Variants in SPTBN2 observed in about 807,000 individuals in gnomAD.
SPTBN2 encodes spectrin beta, non-erythrocytic 2, also known as spectrin beta chain, non-erythrocytic 2.
A neutral mutation model predicts 284.2 loss-of-function variants in SPTBN2; 107 were observed. That is an observed-to-expected ratio of 0.38 (90% confidence interval 0.32 to 0.44). SPTBN2 has a LOEUF of 0.44. Among genes scored for constraint, SPTBN2 ranks in the 20% least tolerant of loss-of-function variants. The pLI is 1.00. For missense variants in SPTBN2, 2,569 were observed against 3,287.1 expected, an observed-to-expected ratio of 0.78 and a Z score of 5.34; for synonymous variants, 1,289 against 1,354.8, an observed-to-expected ratio of 0.95 and a Z score of 1.07.
intron 1 of SPTBN2, among the ~76,000 whole-genome samples, chr11:66,721,959 A>AT (rs1225515173): frequency 3.3e-5 from 5 of 152,066 alleles, no homozygotes; most frequent in African/African-American, 1.2e-4. Flanking sequence ...AAGCAGGATT[A>AT]TTGCTTGAAC....
rs144017062 is a variant in SPTBN2, at chr11:66,705,775, C to G, written c.1716G>C (p.Leu572=). 7.4e-6 allele frequency: 12 copies of G among 1,612,290 alleles called. No homozygotes were observed. The highest frequency in any genetic ancestry group is 1.0e-5 in the Non-Finnish European group (12 of 1,179,862). ...HLAGVEDLLQ[L]HELVEADIAV... ...CGATGTCTGCCTCCACCAGCTCGTG[C>G]AGCTGCAGCAGGTCCTCCACTCCTG... Residue 572 remains leucine, a synonymous_variant, in exon 14 of 38, where the codon CTG becomes CTC. Coordinates refer to ENST00000533211, the MANE Select transcript of SPTBN2 (RefSeq NM_006946.4).
At chr11:66,705,625 G>A (rs918985370) in intron 14 of SPTBN2, 59 bp downstream of exon 14, 59 of 1,605,134 alleles carry the variant, frequency 3.7e-5, no homozygotes, top group Non-Finnish European at 4.3e-5. Flanking sequence ...CTTCCACCTC[G>A]GCTCTTGATG....
At position 66,707,494 on chromosome 11, in the gene SPTBN2, A is replaced by C. The variant is rs1312319996; in HGVS notation, c.1653+22T>G. 1.3e-6 allele frequency: 2 copies of C among 1,580,224 alleles called. No homozygotes were observed. The highest frequency in any genetic ancestry group is 1.7e-6 in the Non-Finnish European group (2 of 1,163,694). ...CTCGACTCTTGATCACTCTTACCCC[A>C]CCCAGCACGCCTCACTGGTACCTTC... On this transcript the variant is annotated intron_variant, in intron 13 of 37. Coordinates refer to ENST00000533211, the MANE Select transcript of SPTBN2 (RefSeq NM_006946.4). The surrounding 1 kb of genome is among the most constrained non-coding windows in gnomAD (Gnocchi z 4.9).
chr11:66,731,913 T>C (rs1942816582), upstream of SPTBN2, among the ~76,000 whole-genome samples: 1 of 152,166 alleles, frequency 6.6e-6, no homozygotes. Context: ...TGACAGACAT[T>C]AATAAAATAA....
chr11:66,727,487 G>A (rs1942659860), intron 1 of SPTBN2, among the ~76,000 whole-genome samples: 1 of 152,204 alleles, frequency 6.6e-6, no homozygotes, highest in African/African-American at 2.4e-5. Flanking sequence ...ACCGGAGCCG[G>A]AACACCCCCG....
At position 66,693,410 on chromosome 11, in the gene SPTBN2, T is replaced by C; in HGVS notation, c.4630A>G (p.Ile1544Val). 1 of 1,600,224 alleles carries C rather than the reference T, an allele frequency of 6.2e-7. No homozygotes were observed. The highest frequency in any genetic ancestry group is 8.5e-7 in the Non-Finnish European group (1 of 1,179,846). Reference protein sequence around the residue: ...QKEIQGHEPRIADLRERQRAL... With the variant: ...QKEIQGHEPRVADLRERQRAL... ...CGCTGCCGCTCCCTCAGGTCCGCGA[T>C]CCGGGGCTCATGGCCCTGAATCTCT... The change falls in exon 24 of 38, where the codon ATC (isoleucine) becomes GTC (valine). Residue 1544 changes from isoleucine to valine, a missense_variant. Coordinates refer to ENST00000533211, the MANE Select transcript of SPTBN2 (RefSeq NM_006946.4). The surrounding 1 kb of genome is among the most constrained non-coding windows in gnomAD (Gnocchi z 5.7).
At chr11:66,736,474 C>T (rs1199000183) in intron 1 of SPTBN2, among the ~76,000 whole-genome samples, 2 of 152,144 alleles carry the variant, frequency 1.3e-5, no homozygotes, top group African/African-American at 4.8e-5. Flanking sequence ...CAGTCTGGGA[C>T]CAACCATGAT....
At chr11:66,726,706 C>T (rs1410503781) in intron 1 of SPTBN2, among the ~76,000 whole-genome samples, 1 of 152,092 alleles carries the variant, frequency 6.6e-6, no homozygotes, top group South Asian at 2.1e-4. Flanking sequence ...CGCAGATATG[C>T]GGGAGGAGAA....
At chr11:66,724,095 T>C (rs571721533) in intron 1 of SPTBN2, among the ~76,000 whole-genome samples, 1 of 151,722 alleles carries the variant, frequency 6.6e-6, no homozygotes, top group Non-Finnish European at 1.5e-5. Flanking sequence ...CCCCCAGGAG[T>C]GTTTTGCTGG....
intron 1 of SPTBN2, among the ~76,000 whole-genome samples, chr11:66,738,705 G>A (rs1179092886): frequency 6.6e-6 from 1 of 151,946 alleles, no homozygotes; most frequent in East Asian, 1.9e-4. Flanking sequence ...TAGTAGAGAT[G>A]TGGTTTCACC....
chr11:66,692,666 C>CGCCGCTCTCCA lies in SPTBN2; in HGVS notation c.5049_5059dup (p.Arg1687LeufsTer47). 6.2e-7 allele frequency: 1 copy of CGCCGCTCTCCA among 1,605,604 alleles called. No homozygotes were observed. On this transcript the variant is annotated frameshift_variant, in exon 26 of 38. Coordinates refer to ENST00000533211, the MANE Select transcript of SPTBN2 (RefSeq NM_006946.4). LOFTEE classifies it high-confidence loss of function. ...CCGGAGGTGCTCCTGCAGGCGCTCC[C>CGCCGCTCTCCA]GCCGCTCTCCAGCCAGCTCCTTCAG... is the stretch of plus-strand genomic sequence containing the variant.
Position 66,700,773 on chromosome 11 carries a change from G to T in SPTBN2, c.3326C>A (p.Ala1109Asp). The change falls in exon 17 of 38, where the codon GCC becomes GAC. Residue 1109 changes from alanine to aspartate, a missense_variant. Physicochemically the swap from Ala to Asp is moderately radical, Grantham distance 126 (BLOSUM62 -2). Transcript: ENST00000533211. The surrounding 1 kb of genome is among the most constrained non-coding windows in gnomAD (Gnocchi z 6.6). ...GGCCCGCTCCACCTCTCCCCGCAGG[G>T]CTGCATGTTGGGCCAGGAGGGCCTC... ...EAEALLAQHA[A>D]LRGEVERAQS... 1 of 1,601,980 alleles carries T rather than the reference G, an allele frequency of 6.2e-7. No individual in the cohort carries two copies.
At chr11:66,728,589 G>A (rs1332208513) in intron 1 of SPTBN2, 152 bp downstream of exon 1, 1 of 151,700 alleles carries the variant, frequency 6.6e-6, no homozygotes, top group Non-Finnish European at 1.5e-5. Context: ...CCTGCCTCGG[G>A]GCGAACGCGG....
chr11:66,690,006 A>G, intron 28 of SPTBN2, 33 bp downstream of exon 28: 1 of 1,613,946 alleles, frequency 6.2e-7, no homozygotes, highest in Non-Finnish European at 8.5e-7. Flanking sequence ...CAGCCACACA[A>G]CCCGTGGAGG....
At chr11:66,689,991 C>T in intron 28 of SPTBN2, 48 bp from the exon 29 acceptor site, 1 of 1,614,226 alleles carries the variant, frequency 6.2e-7, no homozygotes. Context: ...AGCCCCATCA[C>T]AGCCCAGCCA....
rs756633909 is a variant in SPTBN2, at chr11:66,700,709, C to G, written c.3390G>C (p.Glu1130Asp). Residue 1130 changes from glutamate (E) to aspartate (D), a missense_variant, in exon 17 of 38, where the codon GAG (glutamate) becomes GAC (aspartate). By Grantham distance (45) the Glu-to-Asp change is conservative. Coordinates refer to ENST00000533211, the MANE Select transcript of SPTBN2 (RefSeq NM_006946.4). The surrounding 1 kb of genome is among the most constrained non-coding windows in gnomAD (Gnocchi z 6.6). ...GGGGGTCAGCCTGGTCCCGGGTCAC[C>G]TCCTCGCCCAGGGCTCGCAGCCGGC... ...EYSRLRALGE[E>D]VTRDQADPQC... 3.7e-6 allele frequency: 6 copies of G among 1,605,016 alleles called. No individual in the cohort carries two copies. The South Asian group carries it at 5.5e-5, about 15-fold the overall frequency.
intron 17 of SPTBN2, 65 bp from the exon 18 acceptor site, chr11:66,699,673 C>T (rs1054411430): frequency 2.0e-6 from 3 of 1,533,594 alleles, no homozygotes; most frequent in African/African-American, 2.7e-5. Context: ...AGGAGGGACC[C>T]ACCCAGGGGC....
chr11:66,685,568 G>C lies in SPTBN2; in HGVS notation c.*303C>G, dbSNP rs1449089159. 3 of 413,418 alleles carry C rather than the reference G, an allele frequency of 7.3e-6. No individual in the cohort carries two copies. Among genetic ancestry groups the C allele is most frequent in the African/African-American group, 6.1e-5 (3 of 48,868 alleles). The allele number at this position is 413,418 out of a possible 1,614,324, so 25.6% of individuals were successfully genotyped here. ...ACTCCCCACATGGCCTATGTTGAGGGTGCGGCACTGTCCACACCGTGGTGA... is the reference window on the plus strand; with the variant it reads ...ACTCCCCACATGGCCTATGTTGAGGCTGCGGCACTGTCCACACCGTGGTGA... On this transcript the variant is annotated 3_prime_UTR_variant, in exon 38 of 38. Transcript: ENST00000533211. The surrounding 1 kb of genome is among the most constrained non-coding windows in gnomAD (Gnocchi z 4.4).
Position 66,721,338 on chromosome 11 carries a change from T to A in SPTBN2, c.-23+12A>T, listed in dbSNP as rs1438526774. ...CCACTCACCACCGGGGCCTTCTGTC[T>A]TCTTGCCCTACCTGTGCTCCGCTCT... On this transcript the variant is annotated intron_variant, in intron 2 of 37. Coordinates refer to ENST00000533211, the MANE Select transcript of SPTBN2 (RefSeq NM_006946.4). 1.1e-5 allele frequency: 16 copies of A among 1,501,692 alleles called. No homozygotes were observed. Among genetic ancestry groups the A allele is most frequent in the Admixed American group, 3.3e-5 (2 of 59,796 alleles). The allele number at this position is 1,501,692 out of a possible 1,614,324, so 93.0% of individuals were successfully genotyped here.
Sources: gnomAD v4.1 joint callset for allele counts (sites outside exome capture counted in the v4.1 genomes callset) on GRCh38, gnomAD v4.1.1 for gene constraint, Gnocchi (gnomAD v3.1) non-coding constraint, MANE v1.5 for transcripts, NCBI Gene and HGNC (gene_info 2026-07-23, HGNC 2026-07-21) for gene names.